The following RANBP2 variants were observed in gnomAD, a reference collection of about 807,000 sequenced individuals.
The protein encoded by RANBP2 is RAN binding protein 2.
In RANBP2, 57 loss-of-function variants were observed where a neutral mutation model predicts 303.6. The observed-to-expected ratio is 0.19, with a 90% confidence interval of 0.15 to 0.23. The LOEUF (loss-of-function observed/expected upper bound fraction) is 0.23. Ranked by LOEUF, RANBP2 falls within the 10% of genes least tolerant of loss-of-function variation. RANBP2 has a pLI of 1.00. For synonymous variants in RANBP2, 1,167 were observed against 1,301.5 expected, an observed-to-expected ratio of 0.90 and a Z score of 2.23; for missense variants, 3,138 against 3,780.8, an observed-to-expected ratio of 0.83 and a Z score of 4.46.
At chr2:108,753,286 C>G in intron 13 of RANBP2, 127 bp downstream of exon 13, 12 of 1,604,844 alleles carry the variant, frequency 7.5e-6, no homozygotes, top group Non-Finnish European at 1.0e-5. Flanking sequence ...TCTAAATTCA[C>G]TAGCTCTCAC....
At chr2:108,837,450 A>G in the RANBP2 span, among the ~76,000 whole-genome samples, 4 of 152,234 alleles carry the variant, frequency 2.6e-5, no homozygotes, top group Non-Finnish European at 4.4e-5. Context: ...GTTTAAGACA[A>G]TGGTAGACCG....
the RANBP2 span, among the ~76,000 whole-genome samples, chr2:109,306,578 C>T: frequency 6.6e-6 from 1 of 152,168 alleles, no homozygotes. Context: ...GTGGTGTTCT[C>T]CAGGCAGGAA....
the RANBP2 span, among the ~76,000 whole-genome samples, chr2:108,816,344 G>A: frequency 2.6e-5 from 4 of 152,116 alleles, no homozygotes; most frequent in Non-Finnish European, 5.9e-5. Context: ...TCAGCTACTT[G>A]GGAGGCTGAG....
At chr2:109,649,400 C>T in the RANBP2 span, among the ~76,000 whole-genome samples, 1 of 151,768 alleles carries the variant, frequency 6.6e-6, no homozygotes, top group African/African-American at 2.4e-5. Flanking sequence ...ATTTCTTTTT[C>T]TTTTTCTTTT....
chr2:109,432,370 G>C, the RANBP2 span: 1 of 1,163,626 alleles, frequency 8.6e-7, no homozygotes, highest in Non-Finnish European at 1.2e-6. Flanking sequence ...GTAAACTGCA[G>C]AGCCCCCATA....
chr2:108,775,961 T>C, intron 24 of RANBP2, 25 bp downstream of exon 24: 1 of 1,579,868 alleles, frequency 6.3e-7, no homozygotes, highest in Non-Finnish European at 8.6e-7. Flanking sequence ...ATGTTTATCA[T>C]GTGTTACATA....
At chr2:109,726,722 G>A in the RANBP2 span, among the ~76,000 whole-genome samples, 2 of 152,158 alleles carry the variant, frequency 1.3e-5, no homozygotes, top group Non-Finnish European at 2.9e-5. Flanking sequence ...GCTGAAACAG[G>A]GCTAAATGTG....
the RANBP2 span, among the ~76,000 whole-genome samples, chr2:109,420,636 G>C: frequency 6.6e-6 from 1 of 152,082 alleles, no homozygotes; most frequent in African/African-American, 2.4e-5. Context: ...TAGTAGAGAT[G>C]GGGTTTCACC....
At chr2:109,251,394 G>A in the RANBP2 span, 3 of 681,260 alleles carry the variant, frequency 4.4e-6, no homozygotes, top group African/African-American at 1.8e-5. Context: ...CCTTTCCAAG[G>A]CATCTGTGAG....
At chr2:109,323,466 A>G in the RANBP2 span, among the ~76,000 whole-genome samples, 1 of 152,238 alleles carries the variant, frequency 6.6e-6, no homozygotes, top group East Asian at 1.9e-4. Flanking sequence ...TAGAAAAACA[A>G]CCAACCCAAG....
chr2:109,628,500 T>TAATAAATAAATAAATA, the RANBP2 span, among the ~76,000 whole-genome samples: 2 of 146,842 alleles, frequency 1.4e-5, no homozygotes, highest in African/African-American at 2.5e-5. Context: ...TCTCAAAAAA[T>TAATAAATAAATAAATA]AATAAATAAA....
the RANBP2 span, among the ~76,000 whole-genome samples, chr2:109,550,459 T>C: frequency 2.0e-5 from 3 of 151,766 alleles, no homozygotes; most frequent in Admixed American, 2.0e-4. Flanking sequence ...ATTATAGGCA[T>C]GTTGCCACCA....
chr2:109,092,601 G>A, the RANBP2 span, among the ~76,000 whole-genome samples: 2 of 152,192 alleles, frequency 1.3e-5, no homozygotes, highest in Admixed American at 1.3e-4. Context: ...CTATGGCACA[G>A]GGAGCAGGGT....
At chr2:108,821,887 C>G in the RANBP2 span, among the ~76,000 whole-genome samples, 2 of 146,224 alleles carry the variant, frequency 1.4e-5, no homozygotes, top group Non-Finnish European at 3.0e-5. Context: ...GAGATTGTGC[C>G]ACTGCGCTCC....
chr2:109,520,225 G>A, the RANBP2 span, among the ~76,000 whole-genome samples: 2 of 152,236 alleles, frequency 1.3e-5, no homozygotes, highest in Non-Finnish European at 2.9e-5. Context: ...CAAATTTTAA[G>A]TTTTTAAAAG....
chr2:109,178,231 T>G, the RANBP2 span, among the ~76,000 whole-genome samples: 1 of 152,246 alleles, frequency 6.6e-6, no homozygotes, highest in Admixed American at 6.5e-5. Context: ...CAGAGTCATA[T>G]TCTATAAATT....
At chr2:109,275,761 C>T in the RANBP2 span, among the ~76,000 whole-genome samples, 1 of 152,204 alleles carries the variant, frequency 6.6e-6, no homozygotes, top group Non-Finnish European at 1.5e-5. Flanking sequence ...GCACCTGCTT[C>T]CCTGTGCTAA....
At chr2:109,050,110 A>G in the RANBP2 span, among the ~76,000 whole-genome samples, 2 of 151,136 alleles carry the variant, frequency 1.3e-5, no homozygotes, top group East Asian at 1.9e-4. Flanking sequence ...TAAATATAAA[A>G]TACACACTGG....
At chr2:109,405,058 C>T in the RANBP2 span, among the ~76,000 whole-genome samples, 1 of 148,390 alleles carries the variant, frequency 6.7e-6, no homozygotes. Flanking sequence ...TACACAAATA[C>T]CCCCCACCTT....
Sources: gnomAD v4.1 joint callset for allele counts (sites outside exome capture counted in the v4.1 genomes callset) on GRCh38, gnomAD v4.1.1 for gene constraint, MANE v1.5 for transcripts, NCBI Gene and HGNC (gene_info 2026-07-23, HGNC 2026-07-21) for gene names.